The following RBFOX1 variants were observed in gnomAD, a reference collection of about 807,000 sequenced individuals.
RBFOX1 encodes RNA binding fox-1 homolog 1, also known as RNA binding protein fox-1 homolog 1.
Under a neutral mutation model 57.7 loss-of-function variants are expected in RBFOX1, and 8 were observed. The observed-to-expected ratio is 0.14, with a 90% CI of 0.08 to 0.25. RBFOX1 has a LOEUF of 0.25. Ranked by LOEUF, RBFOX1 falls within the 10% of genes least tolerant of loss-of-function variation. The pLI is 1.00. For synonymous variants in RBFOX1, 326 were observed against 222.4 expected, an observed-to-expected ratio of 1.47 and a Z score of -4.15; for missense variants, 611 against 548.5, an observed-to-expected ratio of 1.11 and a Z score of -1.14.
chr16:7,038,788 G>A (rs1375812343), intron 3 of RBFOX1, among the ~76,000 whole-genome samples: 4 of 152,156 alleles, frequency 2.6e-5, no homozygotes, highest in African/African-American at 7.2e-5. Context: ...GTCTGGACCT[G>A]GGGGACTTCT....
At chr16:7,634,329 T>A (rs1394587800) in intron 11 of RBFOX1, among the ~76,000 whole-genome samples, 1 of 152,140 alleles carries the variant, frequency 6.6e-6, no homozygotes, top group East Asian at 1.9e-4. Flanking sequence ...CTCTGGAGCT[T>A]CGTTTTTGTT....
At chr16:6,397,770 T>C (rs9932839) in intron 2 of RBFOX1, among the ~76,000 whole-genome samples, 54,745 of 151,786 alleles carry the variant, frequency 0.36, 10,949 homozygotes, top group African/African-American at 0.55. Flanking sequence ...TTGAAAATTT[T>C]TTACACTTGC....
At chr16:5,590,870 G>T (rs570500960) in intron 2 of RBFOX1, among the ~76,000 whole-genome samples, 3 of 152,130 alleles carry the variant, frequency 2.0e-5, no homozygotes, top group Non-Finnish European at 4.4e-5. Context: ...GAGGGGTACT[G>T]GTGGCTTGCA....
chr16:6,295,003 T>A (rs1347723092), intron 1 of RBFOX1, among the ~76,000 whole-genome samples: 2 of 152,120 alleles, frequency 1.3e-5, no homozygotes, highest in East Asian at 3.9e-4. Flanking sequence ...GTAATCAGCA[T>A]TGTTTTCACC....
intron 4 of RBFOX1, among the ~76,000 whole-genome samples, chr16:7,320,182 G>T (rs1016388918): frequency 6.6e-6 from 1 of 152,018 alleles, no homozygotes; most frequent in Non-Finnish European, 1.5e-5. Flanking sequence ...CATCAGCTAG[G>T]TATTAAGCCC....
chr16:6,391,133 C>G (rs184574591), intron 2 of RBFOX1, among the ~76,000 whole-genome samples: 6 of 152,292 alleles, frequency 3.9e-5, no homozygotes, highest in Non-Finnish European at 7.4e-5. Flanking sequence ...GGTTGAAAAA[C>G]CACTGAAATT....
chr16:5,607,550 A>G (rs2047629732), intron 3 of RBFOX1, among the ~76,000 whole-genome samples: 1 of 152,140 alleles, frequency 6.6e-6, no homozygotes, highest in African/African-American at 2.4e-5. Context: ...TGAACTACGG[A>G]TGGGGAGTGA....
In RBFOX1 at chr16:7,416,592, T is replaced by C. The variant is rs376226815; in HGVS notation, c.28-101555T>C. Among the ~76,000 whole-genome samples the C allele has an allele frequency of 2.0e-5, 3 of 152,280 alleles. No individual in the cohort carries two copies. The South Asian group carries it at 6.2e-4, about 32-fold the overall frequency. ...GATCCTCTTCTGGGGACAGCCTTCT[T>C]GTCTTCATGGATAGTGCATATAGAA... On this transcript the variant is annotated intron_variant, in intron 4 of 15. Transcript: ENST00000550418.
At position 5,589,733 on chromosome 16, in the gene RBFOX1, G is replaced by A. The variant is rs545484376; in HGVS notation, c.259-9169G>A. ...CCTCATTTTAAGTAATTTAACAAGT[G>A]TAGAGTCTGAAGCTCAGAGAGGTGA... On this transcript the variant is annotated intron_variant, in intron 2 of 2. Coordinates refer to the RBFOX1 transcript ENST00000585867. Among the ~76,000 whole-genome samples, 3 of 152,264 alleles carry A rather than the reference G, an allele frequency of 2.0e-5. No homozygotes were observed. In the South Asian group the frequency reaches 6.2e-4, roughly 32 times the overall value.
At chr16:7,560,474 C>T (rs749513985) in intron 5 of RBFOX1, among the ~76,000 whole-genome samples, 17 of 151,232 alleles carry the variant, frequency 1.1e-4, no homozygotes, top group South Asian at 2.1e-4. Flanking sequence ...GTTGCTGCTC[C>T]GGATTTCACA....
chr16:7,661,361 C>A (rs576670361), intron 12 of RBFOX1, among the ~76,000 whole-genome samples: 6 of 152,106 alleles, frequency 3.9e-5, no homozygotes, highest in Non-Finnish European at 7.4e-5. Context: ...TATACGTTTC[C>A]CCCCAGCCCT....
chr16:6,494,656 G>C, intron 2 of RBFOX1, among the ~76,000 whole-genome samples: 1 of 152,172 alleles, frequency 6.6e-6, no homozygotes, highest in Non-Finnish European at 1.5e-5. Flanking sequence ...ACAGGTTTTT[G>C]CGTGACCGTG....
At chr16:6,757,415 T>C (rs1348993933) in intron 3 of RBFOX1, among the ~76,000 whole-genome samples, 1 of 152,166 alleles carries the variant, frequency 6.6e-6, no homozygotes, top group Non-Finnish European at 1.5e-5. Context: ...TAAGAGACGA[T>C]TAGATTAAAA....
At chr16:6,574,347 C>G (rs915821773) in intron 2 of RBFOX1, among the ~76,000 whole-genome samples, 2 of 151,130 alleles carry the variant, frequency 1.3e-5, no homozygotes, top group Non-Finnish European at 2.9e-5. Context: ...GCCTGTGCGT[C>G]AGTTTTTCAC....
intron 3 of RBFOX1, among the ~76,000 whole-genome samples, chr16:6,739,819 G>T (rs559900409): frequency 6.6e-6 from 1 of 152,240 alleles, no homozygotes; most frequent in East Asian, 1.9e-4. Context: ...AGAGGTTGCA[G>T]TGAGCCAAGA....
At chr16:5,626,108 G>C (rs2048344372) in intron 3 of RBFOX1, among the ~76,000 whole-genome samples, 1 of 152,190 alleles carries the variant, frequency 6.6e-6, no homozygotes, top group Non-Finnish European at 1.5e-5. Flanking sequence ...TCGAGCTCCT[G>C]ACCTCGGGTG....
At chr16:5,842,628 A>G (rs2056653861) in intron 3 of RBFOX1, among the ~76,000 whole-genome samples, 1 of 152,170 alleles carries the variant, frequency 6.6e-6, no homozygotes, top group Admixed American at 6.5e-5. Flanking sequence ...GATATTTAAT[A>G]ATAGAAAATA....
At chr16:6,875,815 G>T (rs1228014894) in intron 3 of RBFOX1, among the ~76,000 whole-genome samples, 1 of 151,990 alleles carries the variant, frequency 6.6e-6, no homozygotes, top group African/African-American at 2.4e-5. Flanking sequence ...GACCAGTCTG[G>T]GGAACATGGT....
intron 1 of RBFOX1, among the ~76,000 whole-genome samples, chr16:5,432,542 T>G (rs1457150393): frequency 7.0e-6 from 1 of 143,084 alleles, no homozygotes; most frequent in Non-Finnish European, 1.5e-5. Flanking sequence ...GGGGAGTTTT[T>G]TTTTTTTTGT....
Sources: allele counts gnomAD v4.1 joint callset (sites outside exome capture counted in the v4.1 genomes callset), GRCh38; gene constraint gnomAD v4.1.1; transcripts MANE v1.5; gene names NCBI Gene and HGNC (gene_info 2026-07-23, HGNC 2026-07-21).